PAFAH1B1: variants seen among roughly 807,000 people sequenced by gnomAD.
PAFAH1B1 encodes platelet activating factor acetylhydrolase 1b regulatory subunit 1, also known as platelet-activating factor acetylhydrolase IB subunit beta.
A neutral mutation model predicts 57.5 loss-of-function variants in PAFAH1B1; 2 were observed. The ratio of observed to expected loss-of-function variants is 0.03; its 90% confidence interval spans 0.01 to 0.11. PAFAH1B1 has a LOEUF of 0.11. Ranked by LOEUF, PAFAH1B1 falls within the 10% of genes least tolerant of loss-of-function variation. PAFAH1B1 has a pLI of 1.00. For missense variants in PAFAH1B1, 257 were observed against 512.0 expected (o/e 0.50, Z 4.81); for synonymous variants, 152 against 169.6 (o/e 0.90, Z 0.81).
At chr17:2,644,568 A>G (rs1026588844) in intron 2 of PAFAH1B1, among the ~76,000 whole-genome samples, 1 of 152,156 alleles carries the variant, frequency 6.6e-6, no homozygotes, top group Non-Finnish European at 1.5e-5. Context: ...TAAATAAAAC[A>G]GTTGTATATG....
intron 1 of PAFAH1B1, among the ~76,000 whole-genome samples, chr17:2,615,263 A>T (rs2068323487): frequency 6.6e-6 from 1 of 152,158 alleles, no homozygotes; most frequent in Non-Finnish European, 1.5e-5. Flanking sequence ...GCATTGTTTT[A>T]TTGGTATCCG....
At chr17:2,662,244 T>G (rs1462718846) in intron 2 of PAFAH1B1, among the ~76,000 whole-genome samples, 3 of 152,182 alleles carry the variant, frequency 2.0e-5, no homozygotes. Context: ...ATGTTTGTAA[T>G]AGTTTGATAT....
intron 2 of PAFAH1B1, among the ~76,000 whole-genome samples, chr17:2,652,102 A>C (rs1222925770): frequency 6.6e-6 from 1 of 152,158 alleles, no homozygotes; most frequent in East Asian, 1.9e-4. Context: ...GGCTGCTTTG[A>C]CTTAACAATA....
chr17:2,631,365 C>A (rs2068553170), intron 1 of PAFAH1B1, among the ~76,000 whole-genome samples: 1 of 152,148 alleles, frequency 6.6e-6, no homozygotes. Flanking sequence ...GGATTCGCAC[C>A]CTCCCCTGAG....
At position 2,667,047 on chromosome 17, in the gene PAFAH1B1, G is replaced by T; in HGVS notation, c.248G>T (p.Gly83Val). The T allele has an allele frequency of 6.2e-7, 1 of 1,613,954 alleles. No individual in the cohort carries two copies. Among genetic ancestry groups the T allele is most frequent in the South Asian group, 1.1e-5 (1 of 91,072 alleles). Residue 83 changes from glycine to valine, a missense_variant, in exon 5 of 11, where the codon GGA (glycine) becomes GTA (valine). Coordinates refer to ENST00000397195, the MANE Select transcript of PAFAH1B1 (RefSeq NM_000430.4). ...GCAAAAGAAGAATTTACGTCAGGTGGACCTCTTGGTCAGAAACGAGACCCA... is the reference window on the plus strand; with the variant it reads ...GCAAAAGAAGAATTTACGTCAGGTGTACCTCTTGGTCAGAAACGAGACCCA... ...NEAKEEFTSG[G>V]PLGQKRDPKE... is the part of the protein sequence containing the mutation.
rs183963209 is a variant in PAFAH1B1, at chr17:2,669,077, T to C, written c.400-1086T>C. Reference sequence around the variant, plus strand: ...AAGTAGTCATTCTCATTACATATGATACAGTCTTACGGGATATCAATTTAA... The same window carrying C: ...AAGTAGTCATTCTCATTACATATGACACAGTCTTACGGGATATCAATTTAA... On this transcript the variant is annotated intron_variant, in intron 5 of 10. Coordinates refer to ENST00000397195, the MANE Select transcript of PAFAH1B1 (RefSeq NM_000430.4). 9.1e-4 allele frequency among the ~76,000 whole-genome samples: 138 copies of C among 152,272 alleles called. 2 individuals are homozygous for C. The highest frequency in any genetic ancestry group is 3.1e-3 in the African/African-American group (129 of 41,544).
chr17:2,672,170 G>A (rs1448478935), intron 6 of PAFAH1B1, among the ~76,000 whole-genome samples: 1 of 150,490 alleles, frequency 6.6e-6, no homozygotes, highest in Non-Finnish European at 1.5e-5. Flanking sequence ...TGTAGTTCCA[G>A]CTACCCGACA....
intron 2 of PAFAH1B1, among the ~76,000 whole-genome samples, chr17:2,653,845 G>A (rs1463407466): frequency 6.6e-6 from 1 of 151,870 alleles, no homozygotes; most frequent in Non-Finnish European, 1.5e-5. Context: ...CTTATACTCT[G>A]TTGCCCAGGC....
At chr17:2,679,926 A>G in intron 9 of PAFAH1B1, 3 of 525,522 alleles carry the variant, frequency 5.7e-6, no homozygotes, top group South Asian at 2.2e-5. Context: ...TGTTATTTCC[A>G]TAATGCCCTG....
chr17:2,604,894 CTA>C (rs1258360981), intron 1 of PAFAH1B1, among the ~76,000 whole-genome samples: 1 of 152,088 alleles, frequency 6.6e-6, no homozygotes, highest in African/African-American at 2.4e-5. Context: ...GCATGAGAAA[CTA>C]TTTTATGTAT....
chr17:2,665,586 A>C, intron 3 of PAFAH1B1, 130 bp downstream of exon 3: 1 of 584,042 alleles, frequency 1.7e-6, no homozygotes, highest in Non-Finnish European at 3.0e-6. Context: ...CTTGATTTTC[A>C]CTCCTTTTTT....
intron 2 of PAFAH1B1, among the ~76,000 whole-genome samples, chr17:2,663,251 C>G (rs1271951856): frequency 6.6e-6 from 1 of 152,054 alleles, no homozygotes; most frequent in Admixed American, 6.6e-5. Flanking sequence ...GCACTCCAGC[C>G]TGGGCAACAG....
Position 2,685,554 on chromosome 17 carries a change from T to G in PAFAH1B1, c.*3752T>G, listed in dbSNP as rs1220079240. The G allele has an allele frequency of 6.6e-6, 1 of 152,338 alleles. No homozygotes were observed. Among genetic ancestry groups the G allele is most frequent in the Non-Finnish European group, 1.5e-5 (1 of 68,000 alleles). The allele number at this position is 152,338 out of a possible 1,614,324, so 9.4% of individuals were successfully genotyped here. On this transcript the variant is annotated 3_prime_UTR_variant, in exon 11 of 11. Transcript: ENST00000397195. ...TGTGTAAAACAAAATTTATTCATGT[T>G]TTCTGCATATTAAAAAATCTTATTG...
chr17:2,646,746 A>G (rs1403037615), intron 2 of PAFAH1B1, among the ~76,000 whole-genome samples: 1 of 152,244 alleles, frequency 6.6e-6, no homozygotes, highest in Non-Finnish European at 1.5e-5. Flanking sequence ...ATAGTAGGAA[A>G]CTTGAATAGA....
At chr17:2,654,330 C>T (rs2068908347) in intron 2 of PAFAH1B1, among the ~76,000 whole-genome samples, 1 of 151,674 alleles carries the variant, frequency 6.6e-6, no homozygotes, top group Non-Finnish European at 1.5e-5. Context: ...GCTGGGATTA[C>T]AGGCACGCAC....
At chr17:2,608,037 T>C (rs551098601) in intron 1 of PAFAH1B1, among the ~76,000 whole-genome samples, 1 of 152,274 alleles carries the variant, frequency 6.6e-6, no homozygotes, top group Admixed American at 6.5e-5. Context: ...TATATGTAGA[T>C]CTAGTTTATT....
upstream of PAFAH1B1, among the ~76,000 whole-genome samples, chr17:2,593,590 G>GGGCGGCGGCGGCGGC (rs552674446): frequency 9.2e-3 from 1,367 of 148,760 alleles, 8 homozygotes; most frequent in Admixed American, 0.013. Context: ...GGCGGGTCTG[G>GGGCGGCGGCGGCGGC]GGCGGCGGCG....
In PAFAH1B1 at chr17:2,638,272, T is replaced by C. The variant is rs2068649072; in HGVS notation, c.-17T>C. On this transcript the variant is annotated 5_prime_UTR_variant, in exon 2 of 11. Transcript: ENST00000397195. The stretch of plus-strand genomic sequence containing the variant: ...GGACATACCACTATATCAGATAAGC[T>C]TGACATTACAGCCAAGATGGTGCTG... 1.2e-6 allele frequency: 2 copies of C among 1,610,566 alleles called. No individual in the cohort carries two copies. The highest frequency in any genetic ancestry group is 2.0e-4 in the Middle Eastern group (1 of 5,070).
intron 1 of PAFAH1B1, among the ~76,000 whole-genome samples, chr17:2,624,887 G>C (rs1597529429): frequency 6.6e-6 from 1 of 152,228 alleles, no homozygotes; most frequent in Non-Finnish European, 1.5e-5. Context: ...ACAGTTTGAG[G>C]TTAGGAACCA....
Sources: gnomAD v4.1 joint callset for allele counts (sites outside exome capture counted in the v4.1 genomes callset) on GRCh38, gnomAD v4.1.1 for gene constraint, MANE v1.5 for transcripts, NCBI Gene and HGNC (gene_info 2026-07-23, HGNC 2026-07-21) for gene names.